The following ST6GALNAC3 variants were observed in gnomAD, a reference collection of about 807,000 sequenced individuals.
The protein encoded by ST6GALNAC3 is alpha-N-acetylgalactosaminide alpha-2,6-sialyltransferase 3.
ST6GALNAC3 carries 25 observed loss-of-function variants against 32.7 expected under a neutral mutation model. That is an observed-to-expected ratio of 0.76 (90% CI 0.56 to 1.07). The LOEUF is 1.07. Ranked by LOEUF, ST6GALNAC3 falls within the 50% of genes least tolerant of loss-of-function variation. The pLI is 0.00. For missense variants in ST6GALNAC3, 355 were observed against 382.4 expected (o/e 0.93, Z 0.60); for synonymous variants, 129 against 133.1 (o/e 0.97, Z 0.21).
chr1:76,178,748 T>A (rs1471600661), intron 1 of ST6GALNAC3, among the ~76,000 whole-genome samples: 2 of 152,198 alleles, frequency 1.3e-5, no homozygotes, highest in Non-Finnish European at 2.9e-5. Flanking sequence ...AGAGAAATTC[T>A]GAACTGTCAG....
chr1:76,626,741 A>G (rs1396994744), intron 3 of ST6GALNAC3, among the ~76,000 whole-genome samples: 1 of 151,808 alleles, frequency 6.6e-6, no homozygotes. Flanking sequence ...ACTTTATAAT[A>G]TAGCTACCTC....
At chr1:76,209,936 C>T (rs1051255683) in intron 1 of ST6GALNAC3, among the ~76,000 whole-genome samples, 12 of 152,284 alleles carry the variant, frequency 7.9e-5, no homozygotes, top group Middle Eastern at 3.4e-3. Flanking sequence ...ATTCAAACAA[C>T]TCTATTAAGA....
At chr1:76,546,210 C>A (rs960016977) in intron 3 of ST6GALNAC3, among the ~76,000 whole-genome samples, 1 of 152,080 alleles carries the variant, frequency 6.6e-6, no homozygotes, top group Non-Finnish European at 1.5e-5. Flanking sequence ...TTATGTCCTG[C>A]GTGATTTGGA....
At chr1:76,456,150 C>T (rs907760020) in intron 3 of ST6GALNAC3, among the ~76,000 whole-genome samples, 26 of 151,994 alleles carry the variant, frequency 1.7e-4, no homozygotes, top group Admixed American at 3.9e-4. Context: ...CCAGACTGGG[C>T]GACAGAGTGA....
chr1:76,298,862 C>T (rs1381550821), intron 1 of ST6GALNAC3, among the ~76,000 whole-genome samples: 1 of 151,998 alleles, frequency 6.6e-6, no homozygotes, highest in Non-Finnish European at 1.5e-5. Context: ...GAATCACAAT[C>T]CACATATAGG....
chr1:76,256,800 G>A (rs1275435648), intron 1 of ST6GALNAC3, among the ~76,000 whole-genome samples: 1 of 151,780 alleles, frequency 6.6e-6, no homozygotes, highest in Non-Finnish European at 1.5e-5. Flanking sequence ...GTTATAAACA[G>A]GATGAATGGA....
chr1:76,379,555 T>C (rs1651537831), intron 2 of ST6GALNAC3, among the ~76,000 whole-genome samples: 1 of 152,188 alleles, frequency 6.6e-6, no homozygotes, highest in Non-Finnish European at 1.5e-5. Context: ...GAGAATCTCA[T>C]GACGGCTTTT....
intron 1 of ST6GALNAC3, among the ~76,000 whole-genome samples, chr1:76,079,893 T>C (rs1646868763): frequency 6.6e-6 from 1 of 152,226 alleles, no homozygotes; most frequent in Admixed American, 6.5e-5. Context: ...AGGCTTCCTC[T>C]GTGCTCCTGT....
chr1:76,537,428 A>T (rs182458030), intron 3 of ST6GALNAC3, among the ~76,000 whole-genome samples: 59 of 152,250 alleles, frequency 3.9e-4, no homozygotes, highest in Admixed American at 2.0e-3. Flanking sequence ...GAGAGGCAAG[A>T]GCAAACTAAC....
At chr1:76,182,545 G>A (rs1418193853) in intron 1 of ST6GALNAC3, among the ~76,000 whole-genome samples, 4 of 152,098 alleles carry the variant, frequency 2.6e-5, no homozygotes, top group Non-Finnish European at 4.4e-5. Context: ...GTGTTGTGGG[G>A]GGTATCCTCT....
intron 3 of ST6GALNAC3, among the ~76,000 whole-genome samples, chr1:76,449,378 A>G (rs1657221759): frequency 6.6e-6 from 1 of 152,240 alleles, no homozygotes; most frequent in Non-Finnish European, 1.5e-5. Flanking sequence ...TGCAGCTGCT[A>G]CAAACATTCA....
At chr1:76,577,743 G>A (rs1179974001) in intron 3 of ST6GALNAC3, among the ~76,000 whole-genome samples, 1 of 151,908 alleles carries the variant, frequency 6.6e-6, no homozygotes, top group East Asian at 1.9e-4. Context: ...AGAGATTCCC[G>A]GCAGAATTGT....
intron 4 of ST6GALNAC3, among the ~76,000 whole-genome samples, chr1:76,628,109 C>T (rs1649088603): frequency 6.6e-6 from 1 of 151,932 alleles, no homozygotes; most frequent in African/African-American, 2.4e-5. Flanking sequence ...GATAATGAAA[C>T]AAACCCTCCA....
chr1:76,110,290 A>G (rs562821997), intron 1 of ST6GALNAC3, among the ~76,000 whole-genome samples: 1 of 152,234 alleles, frequency 6.6e-6, no homozygotes, highest in Non-Finnish European at 1.5e-5. Context: ...TATAACCTGG[A>G]TATTGATACT....
At position 76,348,416 on chromosome 1, in the gene ST6GALNAC3, G is replaced by A. The variant is rs528418905; in HGVS notation, c.213+34417G>A. On this transcript the variant is annotated intron_variant, in intron 2 of 4. Coordinates refer to ENST00000328299, the MANE Select transcript of ST6GALNAC3 (RefSeq NM_152996.4). ...TGGAAAAGGCAGCTGAGCAGAGGTT[G>A]GCAACCTTTCTGAAGTGCTATGCCA... is the stretch of plus-strand genomic sequence containing the variant. 1.2e-4 allele frequency among the ~76,000 whole-genome samples: 19 copies of A among 152,256 alleles called. No homozygotes were observed. The South Asian group carries it at 3.5e-3, about 28-fold the overall frequency.
At chr1:76,622,184 C>A (rs997772311) in intron 3 of ST6GALNAC3, among the ~76,000 whole-genome samples, 65 of 151,922 alleles carry the variant, frequency 4.3e-4, no homozygotes, top group Non-Finnish European at 8.2e-4. Context: ...CCAAAGGAAC[C>A]ATTTCATGAA....
chr1:76,467,120 A>C (rs1658687398), intron 3 of ST6GALNAC3, among the ~76,000 whole-genome samples: 1 of 152,108 alleles, frequency 6.6e-6, no homozygotes, highest in African/African-American at 2.4e-5. Flanking sequence ...GAAACCAAAT[A>C]AATGAACAAA....
chr1:76,359,849 G>A (rs1415500540), intron 2 of ST6GALNAC3, among the ~76,000 whole-genome samples: 1 of 152,198 alleles, frequency 6.6e-6, no homozygotes, highest in Non-Finnish European at 1.5e-5. Context: ...TAGACTTACA[G>A]AGTGGAGAGA....
intron 1 of ST6GALNAC3, among the ~76,000 whole-genome samples, chr1:76,087,505 G>T (rs1194057536): frequency 6.6e-6 from 1 of 152,110 alleles, no homozygotes; most frequent in African/African-American, 2.4e-5. Context: ...TTTTTTCTAG[G>T]GGAATTTAGG....
Sources: allele counts gnomAD v4.1 joint callset (sites outside exome capture counted in the v4.1 genomes callset), GRCh38; gene constraint gnomAD v4.1.1; transcripts MANE v1.5; gene names NCBI Gene and HGNC (gene_info 2026-07-23, HGNC 2026-07-21).